The following AGBL1 variants were observed in gnomAD, a reference collection of about 807,000 sequenced individuals.
The protein encoded by AGBL1 is AGBL carboxypeptidase 1, also known as cytosolic carboxypeptidase 4.
A neutral mutation model predicts 118.9 loss-of-function variants in AGBL1; 130 were observed. The observed-to-expected ratio is 1.09, with a 90% CI of 0.95 to 1.26. AGBL1 has a LOEUF of 1.26. AGBL1 is among the 50% of genes most tolerant of loss of function. AGBL1 has a pLI of 0.00. For missense variants in AGBL1, 1,584 were observed against 1,298.1 expected (o/e 1.22, Z -3.38); for synonymous variants, 555 against 478.9 (o/e 1.16, Z -2.08).
intron 22 of AGBL1, among the ~76,000 whole-genome samples, chr15:86,872,876 A>G (rs964994911): frequency 6.6e-6 from 1 of 152,218 alleles, no homozygotes; most frequent in Non-Finnish European, 1.5e-5. Flanking sequence ...AGACTTAGTT[A>G]TATATACACA....
chr15:86,142,314 G>A (rs886214509), intron 2 of AGBL1, among the ~76,000 whole-genome samples: 2 of 152,270 alleles, frequency 1.3e-5, no homozygotes, highest in Admixed American at 6.5e-5. Flanking sequence ...GTAACCCTCC[G>A]TGGTTCTACC....
At position 86,537,775 on chromosome 15, in the gene AGBL1, A is replaced by G. The variant is rs150122601; in HGVS notation, c.2686-8227A>G. Among the ~76,000 whole-genome samples the G allele has an allele frequency of 6.6e-5, 10 of 152,356 alleles. No individual in the cohort carries two copies. In the East Asian group the frequency reaches 1.9e-3, roughly 29 times the overall value. On this transcript the variant is annotated intron_variant, in intron 19 of 22. Coordinates refer to ENST00000614907, the MANE Select transcript of AGBL1 (RefSeq NM_001386094.1). ...TTGCTTAACCTCCTTTAACTTTAGA[A>G]GAAATTGAACCTCATCTCTATATTT...
At chr15:86,402,910 T>C (rs1327766888) in intron 18 of AGBL1, among the ~76,000 whole-genome samples, 1 of 151,028 alleles carries the variant, frequency 6.6e-6, no homozygotes, top group Non-Finnish European at 1.5e-5. Context: ...CAAACAAACA[T>C]TTTGTCATCT....
rs2082557944 is a variant in AGBL1, at chr15:86,476,295, A to G, written c.2556-46515A>G. Among the ~76,000 whole-genome samples, 2 of 152,228 alleles carry G rather than the reference A, an allele frequency of 1.3e-5. 1 individual carries two copies. The highest frequency in any genetic ancestry group is 4.1e-4 in the South Asian group (2 of 4,834). ...AAAGACACAGACTGGCAAATTGGAT[A>G]AAGAATCAAAACCCATCAGTGTGCT... On this transcript the variant is annotated intron_variant, in intron 18 of 22. Coordinates refer to ENST00000614907, the MANE Select transcript of AGBL1 (RefSeq NM_001386094.1).
intron 17 of AGBL1, among the ~76,000 whole-genome samples, chr15:86,364,879 C>T (rs576348241): frequency 6.7e-6 from 1 of 149,736 alleles, no homozygotes; most frequent in Non-Finnish European, 1.5e-5. Context: ...TACAATGCAC[C>T]TTTCATGCTT....
intron 22 of AGBL1, among the ~76,000 whole-genome samples, chr15:86,844,868 A>G (rs534247397): frequency 3.9e-5 from 6 of 152,206 alleles, no homozygotes; most frequent in Non-Finnish European, 8.8e-5. Flanking sequence ...ATTTATATGT[A>G]TCGTATGAGG....
rs79699485 is a variant in AGBL1, at chr15:86,913,105, T to A, written c.*5811T>A. 6.6e-6 allele frequency: 1 copy of A among 152,058 alleles called. No individual in the cohort carries two copies. The highest frequency in any genetic ancestry group is 2.4e-5 in the African/African-American group (1 of 41,388). 9.4% of individuals were successfully genotyped at this position (152,058 alleles called of 1,614,324 possible). A position where few individuals can be genotyped will look rare whatever the true frequency, so the allele number is the denominator to read the frequency against. ...CTTTCAGTGCCTAATAATAAAAAGATACAATTGCATATAACTTAAAATCAT... is the reference window on the plus strand; with the variant it reads ...CTTTCAGTGCCTAATAATAAAAAGAAACAATTGCATATAACTTAAAATCAT... On this transcript the variant is annotated 3_prime_UTR_variant, in exon 23 of 23. Transcript: ENST00000614907.
At chr15:86,589,715 C>T (rs1315160040) in intron 21 of AGBL1, among the ~76,000 whole-genome samples, 2 of 152,016 alleles carry the variant, frequency 1.3e-5, no homozygotes, top group African/African-American at 4.8e-5. Context: ...TATAATTTTC[C>T]TCCTTCCCTT....
intron 22 of AGBL1, among the ~76,000 whole-genome samples, chr15:86,698,522 G>A (rs1395198935): frequency 1.3e-5 from 2 of 151,800 alleles, no homozygotes; most frequent in Non-Finnish European, 2.9e-5. Flanking sequence ...ATGTTCTTTA[G>A]GGGAGATAAT....
chr15:86,578,305 C>T (rs1337547437), intron 21 of AGBL1, among the ~76,000 whole-genome samples: 1 of 152,170 alleles, frequency 6.6e-6, no homozygotes, highest in African/African-American at 2.4e-5. Flanking sequence ...GATGTAGCCC[C>T]TTCATTTTGG....
intron 22 of AGBL1, among the ~76,000 whole-genome samples, chr15:86,903,999 T>C (rs1435261390): frequency 1.5e-5 from 2 of 137,260 alleles, no homozygotes; most frequent in East Asian, 3.9e-4. Flanking sequence ...GGGGGTCTGG[T>C]GAGAGTAGAA....
chr15:86,813,869 C>A (rs895698113), intron 22 of AGBL1, among the ~76,000 whole-genome samples: 12 of 152,172 alleles, frequency 7.9e-5, no homozygotes, highest in African/African-American at 2.9e-4. Flanking sequence ...GAACTTTGCA[C>A]CTGCTGTAAG....
chr15:86,735,758 G>T (rs966280856), intron 22 of AGBL1, among the ~76,000 whole-genome samples: 1 of 151,760 alleles, frequency 6.6e-6, no homozygotes, highest in African/African-American at 2.4e-5. Flanking sequence ...GAATAAAATT[G>T]CTTGGCACAA....
chr15:86,115,150 A>G (rs59095620), intron 1 of AGBL1, among the ~76,000 whole-genome samples: 4,539 of 152,266 alleles, frequency 0.03, 94 homozygotes, highest in Middle Eastern at 0.061. Context: ...TTTCCTAAAA[A>G]TATCCCTCTT....
intron 17 of AGBL1, among the ~76,000 whole-genome samples, chr15:86,354,889 G>A (rs959222404): frequency 7.2e-5 from 11 of 152,174 alleles, no homozygotes; most frequent in Non-Finnish European, 2.9e-5. Flanking sequence ...GTAGAAAGGA[G>A]GCAGAAGAGA....
At chr15:86,542,295 T>G (rs1306439214) in intron 19 of AGBL1, among the ~76,000 whole-genome samples, 1 of 151,930 alleles carries the variant, frequency 6.6e-6, no homozygotes, top group Non-Finnish European at 1.5e-5. Context: ...TCTTCATCCT[T>G]GACAAACTCT....
intron 17 of AGBL1, among the ~76,000 whole-genome samples, chr15:86,358,824 T>C (rs1206664387): frequency 6.6e-6 from 1 of 152,086 alleles, no homozygotes; most frequent in East Asian, 1.9e-4. Context: ...CGTTTTTTCT[T>C]GAGAAATGTT....
At chr15:86,416,469 T>C (rs2081696952) in intron 18 of AGBL1, among the ~76,000 whole-genome samples, 1 of 152,278 alleles carries the variant, frequency 6.6e-6, no homozygotes, top group South Asian at 2.1e-4. Flanking sequence ...TTAGTGCCTG[T>C]CATTTGTGAT....
At chr15:86,402,864 A>G (rs973761287) in intron 18 of AGBL1, among the ~76,000 whole-genome samples, 3 of 152,112 alleles carry the variant, frequency 2.0e-5, no homozygotes, top group African/African-American at 7.3e-5. Flanking sequence ...GAAAATACAA[A>G]GATGGAAGGT....
Sources: allele counts gnomAD v4.1 joint callset (sites outside exome capture counted in the v4.1 genomes callset), GRCh38; gene constraint gnomAD v4.1.1; transcripts MANE v1.5; gene names NCBI Gene and HGNC (gene_info 2026-07-23, HGNC 2026-07-21).